The following BCL2 variants were observed in gnomAD, a reference collection of about 807,000 sequenced individuals.
The protein encoded by BCL2 is apoptosis regulator Bcl-2.
Under a neutral mutation model 14.2 loss-of-function variants are expected in BCL2, and 1 was observed. That is an observed-to-expected ratio of 0.07 (90% confidence interval 0.02 to 0.33). The LOEUF (loss-of-function observed/expected upper bound fraction) is 0.33, where lower values mean the gene tolerates loss of function less well. Among genes scored for constraint, BCL2 ranks in the 10% least tolerant of loss-of-function variants. The pLI is 0.99. For missense variants in BCL2, 247 were observed against 305.9 expected, an observed-to-expected ratio of 0.81 and a Z score of 1.44; for synonymous variants, 151 against 137.2, an observed-to-expected ratio of 1.10 and a Z score of -0.70.
chr18:63,132,066 T>C lies in BCL2; in HGVS notation c.586-3307A>G, dbSNP rs1599198528. Reference sequence around the variant, plus strand: ...ATTTCTAGAGTGAGATGAGCTAAACTAGCAGCTCTTGGCCCAAAGCCTCAG... The same window carrying C: ...ATTTCTAGAGTGAGATGAGCTAAACCAGCAGCTCTTGGCCCAAAGCCTCAG... On this transcript the variant is annotated intron_variant, in intron 2 of 2. Coordinates refer to ENST00000333681, the MANE Select transcript of BCL2 (RefSeq NM_000633.3). Among the ~76,000 whole-genome samples the C allele has an allele frequency of 2.0e-5, 3 of 152,230 alleles. No homozygotes were observed. The East Asian group carries it at 5.8e-4, about 29-fold the overall frequency.
intron 2 of BCL2, among the ~76,000 whole-genome samples, chr18:63,304,736 T>C (rs1913069965): frequency 6.6e-6 from 1 of 152,178 alleles, no homozygotes; most frequent in Admixed American, 6.5e-5. Flanking sequence ...GATGGTCCAA[T>C]GCGGCATTTT....
In BCL2 at chr18:63,318,959, G is replaced by C. The variant is rs1913606309; in HGVS notation, c.-286-7C>G. The C allele has an allele frequency of 7.7e-7, 1 of 1,293,226 alleles. No individual in the cohort carries two copies. The highest frequency in any genetic ancestry group is 1.5e-5 in the African/African-American group (1 of 64,872). The allele number at this position is 1,293,226 out of a possible 1,614,324, so 80.1% of individuals were successfully genotyped here. On this transcript the variant is annotated splice_polypyrimidine_tract_variant and splice_region_variant and intron_variant, in intron 1 of 2. Coordinates refer to ENST00000333681, the MANE Select transcript of BCL2 (RefSeq NM_000633.3). The surrounding 1 kb of genome is among the most constrained non-coding windows in gnomAD (Gnocchi z 7.4). ...GTCTACTTCCTCTGTGATGCTGAAA[G>C]GTTAAAGAAAAAACAAACTAATAAG...
At chr18:63,275,862 T>C (rs3810031) in intron 2 of BCL2, among the ~76,000 whole-genome samples, 49,107 of 152,168 alleles carry the variant, frequency 0.32, 8,277 homozygotes, top group Middle Eastern at 0.42. Flanking sequence ...ATAACCCTAG[T>C]GTGAGGCTTA....
chr18:63,152,508 T>C (rs2144609610), intron 2 of BCL2, among the ~76,000 whole-genome samples: 1 of 152,346 alleles, frequency 6.6e-6, no homozygotes, highest in South Asian at 2.1e-4. Context: ...TAAAGAACCA[T>C]ATCTAAGTCA....
At chr18:63,157,536 C>G (rs149631315) in intron 2 of BCL2, among the ~76,000 whole-genome samples, 249 of 152,340 alleles carry the variant, frequency 1.6e-3, no homozygotes, top group African/African-American at 5.3e-3. Context: ...AATTAGCGTT[C>G]GCTGTTTTCA....
At chr18:63,293,015 G>A (rs1222600820) in intron 2 of BCL2, among the ~76,000 whole-genome samples, 1 of 152,170 alleles carries the variant, frequency 6.6e-6, no homozygotes, top group East Asian at 1.9e-4. Context: ...CCCCACAGGG[G>A]AAGTTCACAA....
chr18:63,236,550 C>A (rs1208134143), intron 2 of BCL2, among the ~76,000 whole-genome samples: 1 of 152,194 alleles, frequency 6.6e-6, no homozygotes, highest in Non-Finnish European at 1.5e-5. Flanking sequence ...AAGAAGACAA[C>A]CTCTTCCTTT....
Position 63,292,545 on chromosome 18 carries a change from G to A in BCL2, c.585+25537C>T, listed in dbSNP as rs1429289540. Among the ~76,000 whole-genome samples, 6 of 152,176 alleles carry A rather than the reference G, an allele frequency of 3.9e-5. No homozygotes were observed. In the South Asian group the frequency reaches 1.2e-3, roughly 32 times the overall value. On this transcript the variant is annotated intron_variant, in intron 2 of 2. Coordinates refer to ENST00000333681, the MANE Select transcript of BCL2 (RefSeq NM_000633.3). Reference sequence around the variant, plus strand: ...ATCTGCACTCTGGTAATAGAAAGGGGGGGCTTGCGCACAGAAGGAAATGGG... The same window carrying A: ...ATCTGCACTCTGGTAATAGAAAGGGAGGGCTTGCGCACAGAAGGAAATGGG...
intron 2 of BCL2, among the ~76,000 whole-genome samples, chr18:63,200,468 A>C (rs1483266969): frequency 1.3e-5 from 2 of 152,216 alleles, no homozygotes; most frequent in Non-Finnish European, 2.9e-5. Context: ...CTCTTTTGTC[A>C]GGTGTTCAAA....
chr18:63,300,599 A>T (rs899391170), intron 2 of BCL2, among the ~76,000 whole-genome samples: 13 of 152,162 alleles, frequency 8.5e-5, no homozygotes, highest in Non-Finnish European at 1.6e-4. Flanking sequence ...CTTTTAAAAA[A>T]TTTTAACCAT....
chr18:63,145,793 T>C (rs887930902), intron 2 of BCL2, among the ~76,000 whole-genome samples: 4 of 152,168 alleles, frequency 2.6e-5, no homozygotes, highest in African/African-American at 9.7e-5. Flanking sequence ...AAATTAAAGA[T>C]GAACAAACAA....
chr18:63,179,413 C>G (rs1427004019), intron 2 of BCL2, among the ~76,000 whole-genome samples: 4 of 152,164 alleles, frequency 2.6e-5, no homozygotes, highest in African/African-American at 9.7e-5. Context: ...CTGAGTCCCT[C>G]TAGGGCCCCT....
intron 2 of BCL2, among the ~76,000 whole-genome samples, chr18:63,218,020 GA>G (rs1391347804): frequency 6.6e-6 from 1 of 152,182 alleles, no homozygotes; most frequent in Non-Finnish European, 1.5e-5. Context: ...GGGAAGGATA[GA>G]AAGATAGGCC....
chr18:63,132,849 G>A (rs888614512), intron 2 of BCL2, among the ~76,000 whole-genome samples: 23 of 152,138 alleles, frequency 1.5e-4, no homozygotes, highest in African/African-American at 5.6e-4. Context: ...CAACAAAGAG[G>A]GAAAAAGAAA....
Position 63,318,501 on chromosome 18 carries a change from T to C in BCL2, c.166A>G (p.Thr56Ala). 1 of 1,535,574 alleles carries C rather than the reference T, an allele frequency of 6.5e-7. No homozygotes were observed. Among genetic ancestry groups the C allele is most frequent in the Non-Finnish European group, 8.7e-7 (1 of 1,150,324 alleles). Residue 56 changes from threonine (T) to alanine (A), a missense_variant, in exon 2 of 3, where the codon ACG becomes GCG. Thr to Ala is a moderately conservative substitution (Grantham distance 58). This residue lies in a region of BCL2 where 144 missense variants were observed against 135.3 expected (regional missense o/e 1.06). Transcript: ENST00000333681. The surrounding 1 kb of genome is among the most constrained non-coding windows in gnomAD (Gnocchi z 7.4). ...PGIFSSQPGH[T>A]PHPAASRDPV... is the part of the protein sequence containing the mutation. ...TCCCGGGATGCGGCTGGATGGGGCG[T>C]GTGCCCGGGCTGGGAGGAGAAGATG...
In BCL2 at chr18:63,317,679, CA is replaced by C; in HGVS notation, c.585+402del. 5.7e-6 allele frequency: 6 copies of C among 1,052,444 alleles called. No homozygotes were observed. The South Asian group carries it at 2.2e-4, about 38-fold the overall frequency. 65.2% of individuals were successfully genotyped at this position (1,052,444 alleles called of 1,614,324 possible). A position where few individuals can be genotyped will look rare whatever the true frequency, so the allele number is the denominator to read the frequency against. On this transcript the variant is annotated intron_variant, in intron 2 of 2. Transcript: ENST00000333681. ...GTTTGGGATGCAGACTGTCAAGACC[CA>C]ACCTGGTATCTGGTTCATAAGCAGT...
intron 2 of BCL2, among the ~76,000 whole-genome samples, chr18:63,214,770 G>C (rs1200636508): frequency 6.6e-6 from 1 of 151,960 alleles, no homozygotes; most frequent in African/African-American, 2.4e-5. Context: ...GAGTGGAGTG[G>C]CACGATCTTG....
chr18:63,141,535 C>A (rs1216398814), intron 2 of BCL2, among the ~76,000 whole-genome samples: 1 of 152,230 alleles, frequency 6.6e-6, no homozygotes, highest in Non-Finnish European at 1.5e-5. Flanking sequence ...AAGCCCTCTG[C>A]CTCTCATGCC....
At chr18:63,294,646 G>A (rs968267417) in intron 2 of BCL2, among the ~76,000 whole-genome samples, 2 of 151,964 alleles carry the variant, frequency 1.3e-5, no homozygotes, top group African/African-American at 4.8e-5. Context: ...CTCCAGCCTG[G>A]GCGACAGAGT....
Sources: gnomAD v4.1 joint callset for allele counts (sites outside exome capture counted in the v4.1 genomes callset) on GRCh38, gnomAD v4.1.1 for gene constraint, gnomAD v4.1.1 regional missense constraint, Gnocchi (gnomAD v3.1) non-coding constraint, MANE v1.5 for transcripts, NCBI Gene and HGNC (gene_info 2026-07-23, HGNC 2026-07-21) for gene names.